The following BABAM2 variants were observed in gnomAD, a reference collection of about 807,000 sequenced individuals.
The protein encoded by BABAM2 is BRISC and BRCA1-A complex member 2.
In BABAM2, 31 loss-of-function variants were observed where a neutral mutation model predicts 54.7. The ratio of observed to expected loss-of-function variants is 0.57; its 90% CI spans 0.43 to 0.77. The LOEUF (loss-of-function observed/expected upper bound fraction) is 0.77, where lower values mean the gene tolerates loss of function less well. BABAM2 is among the 30% of genes least tolerant of loss of function. BABAM2 has a pLI of 0.00. For synonymous variants in BABAM2, 167 were observed against 162.9 expected, an observed-to-expected ratio of 1.03 and a Z score of -0.19; for missense variants, 364 against 455.8, an observed-to-expected ratio of 0.80 and a Z score of 1.83.
intron 11 of BABAM2, among the ~76,000 whole-genome samples, chr2:28,335,528 G>T (rs974298827): frequency 6.6e-6 from 1 of 152,156 alleles, no homozygotes; most frequent in African/African-American, 2.4e-5. Context: ...TTGCAAGCTC[G>T]TGGTCATCAT....
At chr2:28,174,445 A>G (rs1254706669) in intron 7 of BABAM2, among the ~76,000 whole-genome samples, 3 of 152,254 alleles carry the variant, frequency 2.0e-5, no homozygotes, top group Non-Finnish European at 2.9e-5. Flanking sequence ...CAAGTAGATA[A>G]TCACACTTTG....
At chr2:28,004,585 A>C (rs1460089154) in intron 4 of BABAM2, among the ~76,000 whole-genome samples, 1 of 152,218 alleles carries the variant, frequency 6.6e-6, no homozygotes, top group Non-Finnish European at 1.5e-5. Context: ...GTTATCAGTC[A>C]CTTTTTAAAA....
intron 11 of BABAM2, among the ~76,000 whole-genome samples, chr2:28,318,297 G>C (rs1689739495): frequency 6.6e-6 from 1 of 152,188 alleles, no homozygotes; most frequent in South Asian, 2.1e-4. Context: ...AAGCTATCCA[G>C]CTGCCTGTTT....
intron 3 of BABAM2, among the ~76,000 whole-genome samples, chr2:27,950,370 T>C (rs1669619662): frequency 2.0e-5 from 3 of 152,216 alleles, no homozygotes; most frequent in Admixed American, 2.0e-4. Context: ...CAATGGATGT[T>C]AGATTTTGGC....
chr2:28,167,717 T>A (rs1573735778), intron 7 of BABAM2, among the ~76,000 whole-genome samples: 1 of 150,526 alleles, frequency 6.6e-6, no homozygotes, highest in African/African-American at 2.4e-5. Context: ...AATAAATAAA[T>A]AAATAAATAA....
chr2:28,198,903 C>T lies in BABAM2; in HGVS notation c.681-38299C>T, dbSNP rs186378902. Among the ~76,000 whole-genome samples, 183 of 152,068 alleles carry T rather than the reference C, an allele frequency of 1.2e-3. 4 individuals are homozygous for T. The highest frequency in any genetic ancestry group is 0.011 in the Admixed American group (161 of 15,288). ...GTTCTAGTGACAACACCTCCCCTGC[C>T]CCCACCTGTCCTCACAAAACCTGTA... On this transcript the variant is annotated intron_variant, in intron 7 of 11. Transcript: ENST00000379624.
chr2:28,237,253 A>ATG lies in BABAM2; in HGVS notation c.734_735dup (p.Leu246ValfsTer20). The ATG allele has an allele frequency of 6.2e-7, 1 of 1,613,844 alleles. No homozygotes were observed. The highest frequency in any genetic ancestry group is 8.5e-7 in the Non-Finnish European group (1 of 1,179,888). ...ATATCCCAGCTTTTCCAGGAGGAGG[A>ATG]TGTCTCATTGATTACGTTCCTCAAG... On this transcript the variant is annotated frameshift_variant, in exon 8 of 12. Coordinates refer to ENST00000379624, the MANE Select transcript of BABAM2 (RefSeq NM_199191.3). LOFTEE classifies it high-confidence loss of function.
intron 3 of BABAM2, among the ~76,000 whole-genome samples, chr2:27,980,888 A>C (rs369918970): frequency 1.3e-5 from 2 of 152,270 alleles, no homozygotes; most frequent in South Asian, 2.1e-4. Context: ...CAAAATAAAG[A>C]GTGGAATTGG....
intron 2 of BABAM2, among the ~76,000 whole-genome samples, chr2:27,917,176 C>T (rs113115399): frequency 4.7e-4 from 72 of 152,068 alleles, no homozygotes; most frequent in Non-Finnish European, 9.4e-4. Flanking sequence ...TGCCACCACG[C>T]GCAGCTAATT....
chr2:27,961,364 A>T (rs1282687807), intron 3 of BABAM2, among the ~76,000 whole-genome samples: 2 of 152,172 alleles, frequency 1.3e-5, no homozygotes, highest in Non-Finnish European at 2.9e-5. Context: ...TACCCATGCA[A>T]CCATTCTGCT....
intron 10 of BABAM2, among the ~76,000 whole-genome samples, 158 bp from the exon 11 acceptor site, chr2:28,298,179 TC>T (rs200127258): frequency 0.012 from 1,814 of 152,304 alleles, 22 homozygotes; most frequent in Non-Finnish European, 0.02. Context: ...ACTTTGTATT[TC>T]TTGGTGCCTC....
Position 28,045,766 on chromosome 2 carries a change from A to G in BABAM2, c.537A>G (p.Val179=), listed in dbSNP as rs377461390. The G allele has an allele frequency of 1.9e-6, 3 of 1,611,728 alleles. No homozygotes were observed. The African/African-American group carries it at 4.0e-5, about 22-fold the overall frequency. Residue 179 remains valine, a synonymous_variant, in exon 6 of 12, where the codon GTA becomes GTG. Transcript: ENST00000379624. ...CTCGTTTCCTTTTGAAGCTGCCCGTAGATTTCAGCAATATCCCCACATACC... is the reference window on the plus strand; with the variant it reads ...CTCGTTTCCTTTTGAAGCTGCCCGTGGATTTCAGCAATATCCCCACATACC... The part of the protein sequence containing the change: ...FSARFLLKLP[V]DFSNIPTYLL...
At chr2:28,267,436 CAT>C (rs1158110722) in intron 10 of BABAM2, among the ~76,000 whole-genome samples, 2,144 of 143,466 alleles carry the variant, frequency 0.015, 44 homozygotes, top group African/African-American at 0.054. Context: ...CACACACACA[CAT>C]ACACACACAC....
intron 11 of BABAM2, chr2:28,327,142 G>A: frequency 3.2e-6 from 3 of 950,016 alleles, no homozygotes; most frequent in Non-Finnish European, 4.7e-6. Context: ...ATACATCTGT[G>A]ATGAACGCCA....
At chr2:27,923,065 G>A (rs989190299) in intron 2 of BABAM2, among the ~76,000 whole-genome samples, 13 of 152,254 alleles carry the variant, frequency 8.5e-5, no homozygotes, top group Non-Finnish European at 1.8e-4. Flanking sequence ...GAGACCTTAA[G>A]CTAGAACTGC....
intron 10 of BABAM2, among the ~76,000 whole-genome samples, chr2:28,285,928 T>G (rs1342258048): frequency 6.6e-6 from 1 of 151,610 alleles, no homozygotes; most frequent in Non-Finnish European, 1.5e-5. Context: ...AAGTAAATAG[T>G]CACCCCCTTC....
chr2:28,010,710 T>C (rs540193156), intron 4 of BABAM2, among the ~76,000 whole-genome samples: 1 of 152,302 alleles, frequency 6.6e-6, no homozygotes, highest in African/African-American at 2.4e-5. Context: ...CAGTCCAGAA[T>C]TGAGCATCAG....
chr2:28,222,329 G>C (rs973076190), intron 7 of BABAM2, among the ~76,000 whole-genome samples: 2 of 152,088 alleles, frequency 1.3e-5, no homozygotes, highest in Non-Finnish European at 2.9e-5. Flanking sequence ...CCTCATGTCG[G>C]GGTCCTTAAC....
At chr2:28,323,490 T>C (rs1690197317) in intron 11 of BABAM2, among the ~76,000 whole-genome samples, 1 of 152,180 alleles carries the variant, frequency 6.6e-6, no homozygotes. Context: ...ATAATAATAA[T>C]GGATAATAGT....
Sources: allele counts gnomAD v4.1 joint callset (sites outside exome capture counted in the v4.1 genomes callset), GRCh38; gene constraint gnomAD v4.1.1; transcripts MANE v1.5; gene names NCBI Gene and HGNC (gene_info 2026-07-23, HGNC 2026-07-21).